CDC40: variants seen among roughly 807,000 people sequenced by gnomAD.
CDC40 encodes pre-mRNA-processing factor 17.
In CDC40, 27 loss-of-function variants were observed where a neutral mutation model predicts 80.6. The ratio of observed to expected loss-of-function variants is 0.33; its 90% CI spans 0.25 to 0.46. The LOEUF (loss-of-function observed/expected upper bound fraction) is 0.46, where lower values mean the gene tolerates loss of function less well. Ranked by LOEUF, CDC40 falls within the 20% of genes least tolerant of loss-of-function variation. The pLI is 1.00. For missense variants in CDC40, 486 were observed against 694.1 expected (o/e 0.70, Z 3.37); for synonymous variants, 221 against 232.6 (o/e 0.95, Z 0.45).
chr6:110,209,365 C>A (rs1177727514), intron 5 of CDC40, 142 bp downstream of exon 5: 8 of 571,640 alleles, frequency 1.4e-5, no homozygotes, highest in Non-Finnish European at 2.2e-5. Flanking sequence ...TGAAAATATA[C>A]AATAAAATTT....
chr6:110,200,675 T>C (rs1333050945), intron 2 of CDC40, among the ~76,000 whole-genome samples: 1 of 152,202 alleles, frequency 6.6e-6, no homozygotes, highest in African/African-American at 2.4e-5. Context: ...ATAGAATGCT[T>C]GACTGCTGTT....
In CDC40 at chr6:110,209,063, AT is replaced by A. The variant is rs750937128; in HGVS notation, c.491-11del. ...TTGTAATCTCTCAGTTTTTTTTTTA[AT>A]TTTTTTTTTGTTAACGTAGGTTTAA... is the stretch of plus-strand genomic sequence containing the variant. On this transcript the variant is annotated intron_variant, in intron 4 of 14. Transcript: ENST00000307731. 2,998 of 1,238,972 alleles carry A rather than the reference AT, an allele frequency of 2.4e-3. 1 individual carries two copies. Among genetic ancestry groups the A allele is most frequent in the Non-Finnish European group, 2.8e-3 (2,559 of 906,660 alleles). 76.7% of individuals were successfully genotyped at this position (1,238,972 alleles called of 1,614,324 possible).
At chr6:110,206,886 T>A (rs1777569979) in intron 3 of CDC40, among the ~76,000 whole-genome samples, 2 of 152,236 alleles carry the variant, frequency 1.3e-5, no homozygotes, top group Admixed American at 6.5e-5. Context: ...TAAAGTTTGA[T>A]GTGTTGGCCA....
At chr6:110,183,438 G>A (rs1195433253) in intron 1 of CDC40, among the ~76,000 whole-genome samples, 2 of 152,192 alleles carry the variant, frequency 1.3e-5, no homozygotes, top group East Asian at 1.9e-4. Context: ...AGCTCACTTA[G>A]TGCAATCACG....
intron 14 of CDC40, 65 bp downstream of exon 14, chr6:110,229,041 A>G (rs1457996442): frequency 1.4e-5 from 17 of 1,256,166 alleles, no homozygotes; most frequent in Non-Finnish European, 1.1e-6. Flanking sequence ...TTGTTGTACA[A>G]ATAACACTTG....
chr6:110,194,191 T>C lies in CDC40; in HGVS notation c.276+923T>C, dbSNP rs1777388478. Among the ~76,000 whole-genome samples, 9 of 152,266 alleles carry C rather than the reference T, an allele frequency of 5.9e-5. No homozygotes were observed. The South Asian group carries it at 1.9e-3, about 32-fold the overall frequency. ...TTTCTAGATATTTTGCCTTTTAAAA[T>C]GGAAAAGAATGCTTGATTGATGAAA... On this transcript the variant is annotated intron_variant, in intron 2 of 14. Coordinates refer to ENST00000307731, the MANE Select transcript of CDC40 (RefSeq NM_015891.3).
At chr6:110,220,378 G>T (rs1777752664) in intron 12 of CDC40, among the ~76,000 whole-genome samples, 1 of 151,148 alleles carries the variant, frequency 6.6e-6, no homozygotes, top group Non-Finnish European at 1.5e-5. Flanking sequence ...CAAAAGAAAG[G>T]TTTAATGAAC....
chr6:110,230,059 A>C lies in CDC40; in HGVS notation c.1668A>C (p.Ala556=). The change falls in exon 15 of 15, where the codon GCA becomes GCC. Residue 556 remains alanine, a synonymous_variant. Coordinates refer to ENST00000307731, the MANE Select transcript of CDC40 (RefSeq NM_015891.3). ...FKAHDKVCIG[A]VWHPHETSKV... Reference sequence around the variant, plus strand: ...CTCATGATAAAGTGTGTATAGGTGCAGTGTGGCATCCTCATGAAACTTCTA... The same window carrying C: ...CTCATGATAAAGTGTGTATAGGTGCCGTGTGGCATCCTCATGAAACTTCTA... The C allele has an allele frequency of 6.2e-7, 1 of 1,612,014 alleles. No homozygotes were observed. The highest frequency in any genetic ancestry group is 8.5e-7 in the Non-Finnish European group (1 of 1,178,164).
chr6:110,195,662 T>C (rs1386576970), intron 2 of CDC40, among the ~76,000 whole-genome samples: 1 of 152,162 alleles, frequency 6.6e-6, no homozygotes, highest in Middle Eastern at 3.2e-3. Context: ...GTAGTCATCA[T>C]TGTTATTTTT....
At chr6:110,199,468 C>G (rs948362387) in intron 2 of CDC40, among the ~76,000 whole-genome samples, 1 of 151,804 alleles carries the variant, frequency 6.6e-6, no homozygotes, top group Admixed American at 6.6e-5. Context: ...GTGGTGGGCA[C>G]CTGTAGTCCC....
At chr6:110,203,177 G>C (rs1398556468) in intron 3 of CDC40, among the ~76,000 whole-genome samples, 1 of 152,088 alleles carries the variant, frequency 6.6e-6, no homozygotes, top group African/African-American at 2.4e-5. Context: ...GATCAGTCTT[G>C]TCTAAGCTTT....
chr6:110,202,928 T>C (rs1294425492), intron 3 of CDC40, among the ~76,000 whole-genome samples: 6 of 152,114 alleles, frequency 3.9e-5, no homozygotes, highest in African/African-American at 7.2e-5. Flanking sequence ...GGTTGAACTA[T>C]TGAGTTAAAG....
intron 1 of CDC40, among the ~76,000 whole-genome samples, chr6:110,187,787 T>C (rs1013265240): frequency 6.6e-6 from 1 of 152,242 alleles, no homozygotes; most frequent in Non-Finnish European, 1.5e-5. Flanking sequence ...AACAAAAAGA[T>C]AAACTATTTA....
intron 1 of CDC40, among the ~76,000 whole-genome samples, chr6:110,181,890 C>T (rs1362217492): frequency 2.0e-5 from 3 of 152,190 alleles, no homozygotes; most frequent in Non-Finnish European, 4.4e-5. Context: ...CTCTCCGTTT[C>T]GCTTCCATGG....
At chr6:110,229,048 C>T (rs1777901592) in intron 14 of CDC40, 72 bp downstream of exon 14, 1 of 1,129,216 alleles carries the variant, frequency 8.9e-7, no homozygotes, top group Non-Finnish European at 1.3e-6. Context: ...ACAAATAACA[C>T]TTGACACATC....
chr6:110,183,667 C>T (rs990989429), intron 1 of CDC40, among the ~76,000 whole-genome samples: 3 of 152,126 alleles, frequency 2.0e-5, no homozygotes, highest in Admixed American at 6.5e-5. Context: ...TGGAAAATGA[C>T]CAAGGGAGAT....
chr6:110,222,508 G>C (rs1023319159), intron 12 of CDC40, among the ~76,000 whole-genome samples: 2 of 152,150 alleles, frequency 1.3e-5, no homozygotes. Context: ...AGTGAGCTGA[G>C]ATCATGCCAT....
chr6:110,212,979 G>T, intron 7 of CDC40, 107 bp from the exon 8 acceptor site: 2 of 818,946 alleles, frequency 2.4e-6, no homozygotes, highest in Middle Eastern at 2.3e-4. Context: ...TTGGAATGAA[G>T]AAAAATAGCA....
In CDC40 at chr6:110,219,258, C is replaced by T. The variant is rs1777737385; in HGVS notation, c.1091-106C>T. On this transcript the variant is annotated intron_variant, in intron 10 of 14. Transcript: ENST00000307731. ...TTACAGTAAAGAGCAAGCAGGCAGC[C>T]CTTCCTCAAAATGTATTAAGCAGGT... The T allele has an allele frequency of 1.4e-5, 7 of 513,570 alleles. No homozygotes were observed. The South Asian group carries it at 2.7e-4, about 20-fold the overall frequency. The allele number at this position is 513,570 out of a possible 1,614,324, so 31.8% of individuals were successfully genotyped here.
Sources: gnomAD v4.1 joint callset for allele counts (sites outside exome capture counted in the v4.1 genomes callset) on GRCh38, gnomAD v4.1.1 for gene constraint, MANE v1.5 for transcripts, NCBI Gene and HGNC (gene_info 2026-07-23, HGNC 2026-07-21) for gene names.